The following THSD7A variants were observed in gnomAD, a reference collection of about 807,000 sequenced individuals.
THSD7A encodes thrombospondin type-1 domain-containing protein 7A.
In THSD7A, 96 loss-of-function variants were observed where a neutral mutation model predicts 231.3. The ratio of observed to expected loss-of-function variants is 0.41; its 90% CI spans 0.35 to 0.49. THSD7A has a LOEUF of 0.49. Ranked by LOEUF, THSD7A falls within the 20% of genes least tolerant of loss-of-function variation. The pLI is 0.05. For missense variants in THSD7A, 2,290 were observed against 2,070.2 expected, an observed-to-expected ratio of 1.11 and a Z score of -2.06; for synonymous variants, 940 against 743.3, an observed-to-expected ratio of 1.26 and a Z score of -4.30.
At chr7:11,644,652 G>A (rs6971466) in intron 1 of THSD7A, among the ~76,000 whole-genome samples, 1 of 151,864 alleles carries the variant, frequency 6.6e-6, no homozygotes, top group Non-Finnish European at 1.5e-5. Context: ...ATTAGAACAG[G>A]CTGTTTAAAT....
chr7:11,387,858 CTCT>C (rs1268399788), intron 23 of THSD7A, among the ~76,000 whole-genome samples: 1 of 152,064 alleles, frequency 6.6e-6, no homozygotes, highest in African/African-American at 2.4e-5. Flanking sequence ...TCATAAATAG[CTCT>C]TATTATTTTG....
chr7:11,393,346 A>C (rs1262032472), intron 23 of THSD7A, among the ~76,000 whole-genome samples: 4 of 152,222 alleles, frequency 2.6e-5, no homozygotes, highest in Non-Finnish European at 5.9e-5. Flanking sequence ...ATGTCCACTC[A>C]GAGACCCCGA....
Position 11,655,519 on chromosome 7 carries a change from T to C in THSD7A, c.191-18558A>G, listed in dbSNP as rs528278592. Among the ~76,000 whole-genome samples, 3 of 152,016 alleles carry C rather than the reference T, an allele frequency of 2.0e-5. No individual in the cohort carries two copies. In the East Asian group the frequency reaches 5.8e-4, roughly 30 times the overall value. ...TCCAAACTAAATACTCTTGTTTTTG[T>C]TCCTTCTTCCTAATAAGACTCTTGT... On this transcript the variant is annotated intron_variant, in intron 1 of 27. Coordinates refer to ENST00000423059, the MANE Select transcript of THSD7A (RefSeq NM_015204.3).
intron 1 of THSD7A, among the ~76,000 whole-genome samples, chr7:11,805,761 C>T (rs1046483541): frequency 7.2e-5 from 11 of 152,020 alleles, no homozygotes; most frequent in African/African-American, 2.7e-4. Flanking sequence ...AAAACCACAA[C>T]ATTTCTATTC....
chr7:11,489,590 A>T (rs186120067), intron 6 of THSD7A, among the ~76,000 whole-genome samples: 1 of 152,214 alleles, frequency 6.6e-6, no homozygotes, highest in East Asian at 1.9e-4. Context: ...TAACTTCTAT[A>T]GGCATTAATT....
At chr7:11,552,592 A>T (rs1789677200) in intron 4 of THSD7A, among the ~76,000 whole-genome samples, 1 of 152,112 alleles carries the variant, frequency 6.6e-6, no homozygotes, top group South Asian at 2.1e-4. Flanking sequence ...AGTCCTTGGT[A>T]AGGTTTCCAT....
chr7:11,602,099 A>G (rs901879816), intron 2 of THSD7A, among the ~76,000 whole-genome samples: 5 of 152,184 alleles, frequency 3.3e-5, no homozygotes, highest in Admixed American at 1.3e-4. Flanking sequence ...TGTACTATCT[A>G]TGCACTTTGC....
chr7:11,823,830 T>A (rs535288299), intron 1 of THSD7A, among the ~76,000 whole-genome samples: 36 of 152,150 alleles, frequency 2.4e-4, no homozygotes, highest in Middle Eastern at 3.4e-3. Flanking sequence ...ACTGTTTGGG[T>A]ACATAGGAAC....
chr7:11,546,202 G>GCGCGCGCGCACACACACACACACA (rs761841418), intron 4 of THSD7A, among the ~76,000 whole-genome samples: 2,884 of 129,258 alleles, frequency 0.022, 61 homozygotes, highest in Admixed American at 0.035. Flanking sequence ...GTGGGCGCGC[G>GCGCGCGCGCACACACACACACACA]CTCACACACA....
At chr7:11,391,208 C>T (rs550139544) in intron 23 of THSD7A, among the ~76,000 whole-genome samples, 16 of 152,158 alleles carry the variant, frequency 1.1e-4, no homozygotes, top group Non-Finnish European at 1.9e-4. Context: ...CCCCTTGCCC[C>T]AGGTGCTCTG....
intron 11 of THSD7A, among the ~76,000 whole-genome samples, chr7:11,450,699 GCA>G (rs1785115283): frequency 6.6e-6 from 1 of 151,978 alleles, no homozygotes; most frequent in Admixed American, 6.6e-5. Flanking sequence ...CATACTAAGA[GCA>G]CAGTTTCTTA....
At chr7:11,743,551 T>G (rs772558380) in intron 1 of THSD7A, among the ~76,000 whole-genome samples, 2 of 151,932 alleles carry the variant, frequency 1.3e-5, no homozygotes, top group Non-Finnish European at 2.9e-5. Flanking sequence ...TACTTCATTT[T>G]AATATATCCT....
intron 23 of THSD7A, among the ~76,000 whole-genome samples, chr7:11,393,010 G>T (rs147551227): frequency 1.2e-3 from 179 of 152,308 alleles, no homozygotes; most frequent in Non-Finnish European, 2.3e-3. Context: ...GAGAGCAGTA[G>T]ATCTCCCAGC....
intron 9 of THSD7A, among the ~76,000 whole-genome samples, chr7:11,463,534 C>A (rs1319584128): frequency 3.9e-5 from 6 of 152,088 alleles, no homozygotes; most frequent in African/African-American, 1.4e-4. Context: ...TGACCTATCC[C>A]AATGTAAGAT....
chr7:11,447,768 C>T (rs1441959079), intron 11 of THSD7A, among the ~76,000 whole-genome samples: 2 of 152,150 alleles, frequency 1.3e-5, no homozygotes, highest in African/African-American at 2.4e-5. Context: ...ACAAACCATA[C>T]GTGGGTTCTG....
intron 1 of THSD7A, among the ~76,000 whole-genome samples, chr7:11,688,657 G>A (rs1233003411): frequency 6.6e-6 from 1 of 151,812 alleles, no homozygotes; most frequent in East Asian, 2.0e-4. Context: ...GAGGTAACAT[G>A]AGCAAATGTT....
intron 8 of THSD7A, among the ~76,000 whole-genome samples, chr7:11,471,618 GA>G (rs138484637): frequency 0.011 from 1,669 of 151,992 alleles, 25 homozygotes; most frequent in African/African-American, 0.038. Flanking sequence ...AATATTTAAG[GA>G]TTCAACATTT....
At chr7:11,401,231 C>T (rs1783391282) in intron 23 of THSD7A, among the ~76,000 whole-genome samples, 2 of 151,996 alleles carry the variant, frequency 1.3e-5, no homozygotes, top group African/African-American at 4.8e-5. Flanking sequence ...TATAAGCGTA[C>T]AAATAATGTG....
In THSD7A at chr7:11,451,793, A is replaced by T. The variant is rs185134926; in HGVS notation, c.2606-4369T>A. On this transcript the variant is annotated intron_variant, in intron 11 of 27. Coordinates refer to ENST00000423059, the MANE Select transcript of THSD7A (RefSeq NM_015204.3). ...TACTGATGCAGCTCTGAAGCAGATC[A>T]AATGGAATTCTGAGTGTAATTGCTC... Among the ~76,000 whole-genome samples the T allele has an allele frequency of 5.1e-3, 777 of 152,194 alleles. 11 individuals carry two copies. Among genetic ancestry groups the T allele is most frequent in the African/African-American group, 0.018 (739 of 41,558 alleles).
Sources: allele counts gnomAD v4.1 joint callset (sites outside exome capture counted in the v4.1 genomes callset), GRCh38; gene constraint gnomAD v4.1.1; transcripts MANE v1.5; gene names NCBI Gene and HGNC (gene_info 2026-07-23, HGNC 2026-07-21).